RYR3: variants seen among roughly 807,000 people sequenced by gnomAD.
RYR3 encodes brain ryanodine receptor-calcium release channel.
RYR3 carries 207 observed loss-of-function variants against 584.3 expected under a neutral mutation model. That is an observed-to-expected ratio of 0.35 (90% confidence interval 0.32 to 0.40). RYR3 has a LOEUF of 0.40. Among genes scored for constraint, RYR3 ranks in the 10% least tolerant of loss-of-function variants. The pLI, the probability that RYR3 is intolerant of heterozygous loss-of-function variation, is 1.00. For synonymous variants in RYR3, 2,416 were observed against 2,248.5 expected (o/e 1.07, Z -2.11); for missense variants, 5,616 against 6,089.2 (o/e 0.92, Z 2.59).
intron 41 of RYR3, among the ~76,000 whole-genome samples, chr15:33,700,278 T>G (rs765853057): frequency 6.6e-5 from 10 of 152,228 alleles, no homozygotes; most frequent in Non-Finnish European, 1.3e-4. Context: ...TCCCAGCAAG[T>G]GCTTTCCTTA....
chr15:33,635,477 A>G (rs1054314740), intron 25 of RYR3, 137 bp from the exon 26 acceptor site: 7 of 664,214 alleles, frequency 1.1e-5, no homozygotes, highest in African/African-American at 1.8e-5. Flanking sequence ...ACAGAATGCC[A>G]TATTGGATAG....
At chr15:33,725,375 A>C (rs1312547641) in intron 45 of RYR3, among the ~76,000 whole-genome samples, 1 of 152,096 alleles carries the variant, frequency 6.6e-6, no homozygotes, top group Non-Finnish European at 1.5e-5. Flanking sequence ...GTATCTCAGC[A>C]TACCATCCAG....
intron 99 of RYR3, chr15:33,858,133 TAAGCCCCGTGGAAAG>T: frequency 1.7e-6 from 1 of 599,930 alleles, no homozygotes; most frequent in Non-Finnish European, 2.9e-6. Flanking sequence ...ACCACACATC[TAAGCCCCGTGGAAAG>T]GGAAGCACCC....
chr15:33,774,551 C>T (rs886816970), intron 64 of RYR3, among the ~76,000 whole-genome samples: 8 of 152,110 alleles, frequency 5.3e-5, no homozygotes, highest in Non-Finnish European at 1.2e-4. Context: ...AGACTTCAGC[C>T]CCTTCAAGAA....
chr15:33,705,835 G>C (rs955901146), intron 42 of RYR3, among the ~76,000 whole-genome samples: 2 of 152,224 alleles, frequency 1.3e-5, no homozygotes, highest in African/African-American at 4.8e-5. Flanking sequence ...GTCAGTGACT[G>C]AATATTGTAG....
At chr15:33,353,608 A>G (rs1017973162) in intron 1 of RYR3, among the ~76,000 whole-genome samples, 1 of 152,222 alleles carries the variant, frequency 6.6e-6, no homozygotes, top group African/African-American at 2.4e-5. Flanking sequence ...CCCATCTGGA[A>G]TGGATGGTTG....
chr15:33,707,471 C>A (rs1231689584), intron 43 of RYR3, among the ~76,000 whole-genome samples: 1 of 152,040 alleles, frequency 6.6e-6, no homozygotes, highest in Admixed American at 6.6e-5. Flanking sequence ...AACTGAGTAG[C>A]TGTAAAAGAT....
chr15:33,517,540 G>T (rs1241208036), intron 3 of RYR3, among the ~76,000 whole-genome samples: 1 of 152,134 alleles, frequency 6.6e-6, no homozygotes, highest in Non-Finnish European at 1.5e-5. Flanking sequence ...CCAAAATACA[G>T]TCGTCGTTTT....
intron 1 of RYR3, among the ~76,000 whole-genome samples, chr15:33,314,851 C>G (rs191075026): frequency 0.012 from 1,852 of 152,106 alleles, 23 homozygotes; most frequent in Middle Eastern, 0.051. Flanking sequence ...GAGGCGGAGC[C>G]TGCAGTGAGC....
chr15:33,696,500 T>C lies in RYR3; in HGVS notation c.6134+9T>C, dbSNP rs113699058. The C allele has an allele frequency of 1.4e-3, 2,306 of 1,613,792 alleles. 24 individuals carry two copies. The African/African-American group carries it at 0.023, about 16-fold the overall frequency. ...ATGATCAATGGGCTGGGGTAGGTGA[T>C]TCACGGTTACGTGCTGTTCTCTCTA... On this transcript the variant is annotated intron_variant, in intron 39 of 103. Transcript: ENST00000634891.
chr15:33,436,232 T>C (rs1261620387), intron 1 of RYR3, among the ~76,000 whole-genome samples: 1 of 152,228 alleles, frequency 6.6e-6, no homozygotes, highest in Non-Finnish European at 1.5e-5. Context: ...TGATTTCCTT[T>C]TTTTTCAAAT....
At chr15:33,497,902 A>G (rs2051584323) in intron 2 of RYR3, among the ~76,000 whole-genome samples, 1 of 151,726 alleles carries the variant, frequency 6.6e-6, no homozygotes, top group African/African-American at 2.4e-5. Context: ...CCACCATTCT[A>G]CTCTCTCTAC....
At chr15:33,794,334 TTTATATATATAAAA>T (rs2075440530) in intron 67 of RYR3, among the ~76,000 whole-genome samples, 1 of 87,074 alleles carries the variant, frequency 1.1e-5, no homozygotes, top group Non-Finnish European at 2.4e-5. Flanking sequence ...TTTATATATG[TTTATATATATAAAA>T]ATATATATAT....
rs1361136732 is a variant in RYR3, at chr15:33,546,654, G to A, written c.741-1476G>A. On this transcript the variant is annotated intron_variant, in intron 8 of 103. Transcript: ENST00000634891. ...AAGTCCTTTAAATTTTCACAACATT[G>A]TTTTATAAGTACCCTTATTAGAAAG... Among the ~76,000 whole-genome samples, 8 of 152,090 alleles carry A rather than the reference G, an allele frequency of 5.3e-5. No individual in the cohort carries two copies. The South Asian group carries it at 1.5e-3, about 28-fold the overall frequency.
In RYR3 at chr15:33,451,014, G is replaced by A. The variant is rs373186548; in HGVS notation, c.52-22405G>A. ...CTTGCAGCACCTGAAACAACCCAAT[G>A]TTGTTAGAGGCAAATCTGTGCTGGC... On this transcript the variant is annotated intron_variant, in intron 1 of 103. Coordinates refer to ENST00000634891, the MANE Select transcript of RYR3 (RefSeq NM_001036.6). Among the ~76,000 whole-genome samples, 6 of 152,184 alleles carry A rather than the reference G, an allele frequency of 3.9e-5. No homozygotes were observed. The East Asian group carries it at 1.2e-3, about 29-fold the overall frequency.
At chr15:33,384,608 C>CACACAG (rs2041455791) in intron 1 of RYR3, among the ~76,000 whole-genome samples, 1 of 149,468 alleles carries the variant, frequency 6.7e-6, no homozygotes, top group South Asian at 2.1e-4. Flanking sequence ...TATGCACACA[C>CACACAG]ACACACACAC....
At chr15:33,709,958 G>A (rs116583044) in intron 43 of RYR3, among the ~76,000 whole-genome samples, 1,845 of 152,252 alleles carry the variant, frequency 0.012, 38 homozygotes, top group African/African-American at 0.042. Context: ...ACAGAAGAGA[G>A]ACTGATGGGT....
Position 33,685,867 on chromosome 15 carries a change from AG to A in RYR3, c.5861-10350del, listed in dbSNP as rs547063389. ...ACTGGGTAAATAACGAAATTAAAGC[AG>A]AAATAACGATGTTCTTTGAAACCAA... On this transcript the variant is annotated intron_variant, in intron 38 of 103. Transcript: ENST00000634891. Among the ~76,000 whole-genome samples, 4 of 152,376 alleles carry A rather than the reference AG, an allele frequency of 2.6e-5. No individual in the cohort carries two copies. The South Asian group carries it at 8.3e-4, about 32-fold the overall frequency.
At chr15:33,852,721 T>G (rs142467578) in intron 94 of RYR3, among the ~76,000 whole-genome samples, 28 of 152,330 alleles carry the variant, frequency 1.8e-4, no homozygotes, top group African/African-American at 6.7e-4. Context: ...CTGGTTATAC[T>G]GGGATTAGGG....
Sources: gnomAD v4.1 joint callset for allele counts (sites outside exome capture counted in the v4.1 genomes callset) on GRCh38, gnomAD v4.1.1 for gene constraint, MANE v1.5 for transcripts, NCBI Gene and HGNC (gene_info 2026-07-23, HGNC 2026-07-21) for gene names.